LOXL2: variants seen among roughly 807,000 people sequenced by gnomAD.
LOXL2 encodes the protein lysyl oxidase like 2, also known as lysyl oxidase homolog 2.
A neutral mutation model predicts 93.0 loss-of-function variants in LOXL2; 70 were observed. The observed-to-expected ratio is 0.75, with a 90% CI of 0.62 to 0.92. LOXL2 has a LOEUF of 0.92. Ranked by LOEUF, LOXL2 falls within the 40% of genes least tolerant of loss-of-function variation. The probability of loss-of-function intolerance (pLI) is 0.00; values close to 1 mark genes in which losing one functional copy is unlikely to be tolerated. For synonymous variants in LOXL2, 438 were observed against 413.2 expected (o/e 1.06, Z -0.73); for missense variants, 973 against 1,054.9 (o/e 0.92, Z 1.08).
chr8:23,368,021 T>G lies in LOXL2; in HGVS notation c.331A>C (p.Ser111Arg), dbSNP rs1252847992. Residue 111 changes from serine (S) to arginine (R), a missense_variant, in exon 2 of 14, where the codon AGC (serine) becomes CGC (arginine). Transcript: ENST00000389131. Reference protein sequence around the residue: ...GYVEAKSWTASSSYGKGEGPI... With the variant: ...GYVEAKSWTARSSYGKGEGPI... ...CCTTCTCCCTTGCCGTAGGAGGAGC[T>G]GGCAGTCCAGGACTTGGCCTCCACG... 6.2e-7 allele frequency: 1 copy of G among 1,613,404 alleles called. No homozygotes were observed. Among genetic ancestry groups the G allele is most frequent in the African/African-American group, 1.3e-5 (1 of 75,070 alleles).
intron 1 of LOXL2, among the ~76,000 whole-genome samples, chr8:23,398,521 G>A (rs1233488602): frequency 6.6e-6 from 1 of 152,196 alleles, no homozygotes; most frequent in Non-Finnish European, 1.5e-5. Context: ...CACAACCTCA[G>A]CATCTGCTGA....
chr8:23,398,306 A>G (rs1186288394), intron 1 of LOXL2, among the ~76,000 whole-genome samples: 1 of 152,240 alleles, frequency 6.6e-6, no homozygotes, highest in African/African-American at 2.4e-5. Context: ...TTGGCAACAC[A>G]TCAAGGAGGA....
intron 3 of LOXL2, among the ~76,000 whole-genome samples, chr8:23,350,345 G>A (rs763018492): frequency 1.3e-5 from 2 of 152,140 alleles, no homozygotes; most frequent in Admixed American, 6.5e-5. Flanking sequence ...TTGGGAGGCC[G>A]AGGCGGGCAG....
chr8:23,328,286 G>A lies in LOXL2; in HGVS notation c.1150+96C>T, dbSNP rs552599239. On this transcript the variant is annotated intron_variant, in intron 6 of 13. Coordinates refer to ENST00000389131, the MANE Select transcript of LOXL2 (RefSeq NM_002318.3). ...AGCCACTAAAGGGAGGAGGGAAAGT[G>A]AGGATTTCCCGAGAGCTCACGGCCA... 4.7e-5 allele frequency: 62 copies of A among 1,331,294 alleles called. No individual in the cohort carries two copies. The African/African-American group carries it at 5.5e-4, about 12-fold the overall frequency. The allele number at this position is 1,331,294 out of a possible 1,614,324, so 82.5% of individuals were successfully genotyped here.
intron 1 of LOXL2, among the ~76,000 whole-genome samples, chr8:23,397,050 G>A (rs1800100253): frequency 6.6e-6 from 1 of 152,218 alleles, no homozygotes; most frequent in Non-Finnish European, 1.5e-5. Flanking sequence ...TTCTGACACA[G>A]GTTACAACGT....
chr8:23,298,168 C>A, intron 13 of LOXL2, 46 bp from the exon 14 acceptor site: 1 of 1,469,320 alleles, frequency 6.8e-7, no homozygotes, highest in South Asian at 1.1e-5. Context: ...ATGAGATGCT[C>A]GGGCCTTGCC....
At chr8:23,342,433 CTTTT>C (rs1178917449) in intron 3 of LOXL2, among the ~76,000 whole-genome samples, 4 of 137,310 alleles carry the variant, frequency 2.9e-5, no homozygotes, top group Non-Finnish European at 3.1e-5. Context: ...TTTTCTTTTT[CTTTT>C]TTTTTTTTTT....
intron 9 of LOXL2, among the ~76,000 whole-genome samples, chr8:23,315,376 A>T (rs1470292545): frequency 6.6e-6 from 1 of 152,206 alleles, no homozygotes; most frequent in Non-Finnish European, 1.5e-5. Flanking sequence ...ACGTGCATTT[A>T]GCCAGAGCAG....
intron 1 of LOXL2, among the ~76,000 whole-genome samples, chr8:23,387,529 C>T (rs780390138): frequency 1.3e-5 from 2 of 152,202 alleles, no homozygotes; most frequent in Non-Finnish European, 2.9e-5. Flanking sequence ...CATGGACTAG[C>T]GGCTTAGTCA....
At chr8:23,372,341 T>G (rs964852273) in intron 1 of LOXL2, among the ~76,000 whole-genome samples, 8 of 151,482 alleles carry the variant, frequency 5.3e-5, no homozygotes, top group African/African-American at 1.9e-4. Context: ...CCTTAGCCCC[T>G]CGAGTAGCTG....
chr8:23,317,252 C>G (rs1009744912), intron 8 of LOXL2, 138 bp from the exon 9 acceptor site: 7 of 885,890 alleles, frequency 7.9e-6, no homozygotes, highest in Non-Finnish European at 1.3e-5. Flanking sequence ...CGGAGGGTCA[C>G]CTATCCAAGC....
rs760215335 is a variant in LOXL2, at chr8:23,328,506, G to A, written c.1026C>T (p.Leu342=). 6.2e-7 allele frequency: 1 copy of A among 1,614,048 alleles called. No homozygotes were observed. The highest frequency in any genetic ancestry group is 1.1e-5 in the South Asian group (1 of 91,076). Residue 342 remains leucine (L), a synonymous_variant, in exon 6 of 14, where the codon CTC becomes CTT. Transcript: ENST00000389131. ...AYIGEGRVEV[L]KNGEWGTVCD... Reference sequence around the variant, plus strand: ...AGACGGTCCCCCATTCTCCATTTTTGAGCACCTCCACGCGGCCCTCCCCGA... The same window carrying A: ...AGACGGTCCCCCATTCTCCATTTTTAAGCACCTCCACGCGGCCCTCCCCGA...
intron 3 of LOXL2, among the ~76,000 whole-genome samples, chr8:23,342,619 G>A (rs1467973611): frequency 1.3e-5 from 2 of 152,196 alleles, no homozygotes; most frequent in South Asian, 2.1e-4. Flanking sequence ...TTTTAGTAGA[G>A]ACAGGGTTTC....
intron 3 of LOXL2, among the ~76,000 whole-genome samples, chr8:23,349,311 C>T (rs532242487): frequency 1.3e-5 from 2 of 152,340 alleles, no homozygotes; most frequent in Non-Finnish European, 2.9e-5. Flanking sequence ...CTCAGATCTT[C>T]CTGGTGGTGC....
chr8:23,298,556 C>T (rs1287916343), intron 13 of LOXL2, among the ~76,000 whole-genome samples: 2 of 152,222 alleles, frequency 1.3e-5, no homozygotes, highest in Non-Finnish European at 2.9e-5. Context: ...AGGTCACATA[C>T]ATAATGAGCC....
chr8:23,310,380 A>T (rs1803305140), intron 9 of LOXL2, among the ~76,000 whole-genome samples: 1 of 152,238 alleles, frequency 6.6e-6, no homozygotes, highest in African/African-American at 2.4e-5. Flanking sequence ...TGCTTCTGGG[A>T]ATGATGTATT....
chr8:23,395,328 A>C (rs544985710), intron 1 of LOXL2, among the ~76,000 whole-genome samples: 5 of 151,990 alleles, frequency 3.3e-5, no homozygotes, highest in Admixed American at 1.3e-4. Context: ...AAAAAAAAAA[A>C]AAAAAAACCA....
intron 3 of LOXL2, among the ~76,000 whole-genome samples, chr8:23,357,010 A>T (rs948878012): frequency 6.6e-6 from 1 of 152,016 alleles, no homozygotes; most frequent in Non-Finnish European, 1.5e-5. Flanking sequence ...AAGCTTTCCC[A>T]TCATGGAATC....
At chr8:23,381,107 T>TTG (rs1554483466) in intron 1 of LOXL2, among the ~76,000 whole-genome samples, 2 of 151,784 alleles carry the variant, frequency 1.3e-5, no homozygotes, top group Non-Finnish European at 2.9e-5. Flanking sequence ...TTTTTTTTTT[T>TTG]GTACACATTT....
Sources: allele counts gnomAD v4.1 joint callset (sites outside exome capture counted in the v4.1 genomes callset), GRCh38; gene constraint gnomAD v4.1.1; transcripts MANE v1.5; gene names NCBI Gene and HGNC (gene_info 2026-07-23, HGNC 2026-07-21).